ME3: variants seen among roughly 807,000 people sequenced by gnomAD.
ME3 encodes the protein NADP-dependent malic enzyme, mitochondrial.
In ME3, 48 loss-of-function variants were observed where a neutral mutation model predicts 68.9. The observed-to-expected ratio is 0.70, with a 90% CI of 0.55 to 0.89. The LOEUF is 0.89. Ranked by LOEUF, ME3 falls within the 40% of genes least tolerant of loss-of-function variation. ME3 has a pLI of 0.00. For synonymous variants in ME3, 320 were observed against 318.8 expected, an observed-to-expected ratio of 1.00 and a Z score of -0.04; for missense variants, 675 against 797.4, an observed-to-expected ratio of 0.85 and a Z score of 1.85.
chr11:86,498,043 G>C (rs1323920929), exon 6 of ME3: 2 of 1,613,784 alleles, frequency 1.2e-6, no homozygotes, highest in South Asian at 1.1e-5. Flanking sequence ...TACAGGGCCA[G>C]CTTGCCCACA....
rs536567209 is a variant in ME3, at chr11:86,496,982, C to CTATT, written c.705+977_705+980dup. ...TTTTTAACATTTCTCTGAATTTTCT[C>CTATT]TATTTATTTATTTATTTGAGACAGA... On this transcript the variant is annotated intron_variant, in intron 6 of 14. Transcript: ENST00000543262. Among the ~76,000 whole-genome samples, 5 of 151,704 alleles carry CTATT rather than the reference C, an allele frequency of 3.3e-5. No individual in the cohort carries two copies. The South Asian group carries it at 6.2e-4, about 19-fold the overall frequency.
intron 7 of ME3, among the ~76,000 whole-genome samples, chr11:86,486,829 T>G (rs1432177096): frequency 6.6e-6 from 1 of 152,154 alleles, no homozygotes; most frequent in African/African-American, 2.4e-5. Context: ...CTGTGAAGCT[T>G]CCCCAGTGAA....
intron 13 of ME3, among the ~76,000 whole-genome samples, chr11:86,445,187 A>C (rs1030499096): frequency 3.5e-4 from 54 of 152,238 alleles, no homozygotes; most frequent in African/African-American, 1.3e-3. Context: ...CATCATAGCA[A>C]TGAGAAGAAA....
intron 2 of ME3, among the ~76,000 whole-genome samples, chr11:86,578,439 C>G (rs1958241989): frequency 6.6e-6 from 1 of 152,074 alleles, no homozygotes; most frequent in South Asian, 2.1e-4. Flanking sequence ...TTGGGAGGGT[C>G]TCAGAATAGG....
intron 2 of ME3, among the ~76,000 whole-genome samples, chr11:86,591,549 C>T (rs892868165): frequency 2.0e-5 from 3 of 152,140 alleles, no homozygotes; most frequent in African/African-American, 7.2e-5. Context: ...TCAGGAGAAA[C>T]CAAACCTGTC....
intron 2 of ME3, among the ~76,000 whole-genome samples, chr11:86,602,401 C>T (rs1960849413): frequency 2.0e-5 from 3 of 152,168 alleles, no homozygotes; most frequent in African/African-American, 7.2e-5. Context: ...TTACAAGGGA[C>T]AAGAAGGACC....
intron 2 of ME3, among the ~76,000 whole-genome samples, chr11:86,578,247 C>T (rs1196794071): frequency 2.6e-5 from 4 of 152,138 alleles, no homozygotes; most frequent in Admixed American, 2.0e-4. Context: ...TAATGGCCCT[C>T]TGAGTCAGCT....
chr11:86,628,725 C>T (rs1409273635), intron 2 of ME3, among the ~76,000 whole-genome samples: 10 of 152,122 alleles, frequency 6.6e-5, no homozygotes, highest in South Asian at 2.1e-4. Context: ...TAGGTAACCA[C>T]GTCAGAAAAT....
intron 5 of ME3, among the ~76,000 whole-genome samples, chr11:86,506,739 A>C (rs1953106169): frequency 6.6e-6 from 1 of 152,194 alleles, no homozygotes; most frequent in Non-Finnish European, 1.5e-5. Flanking sequence ...AGTGCCTCCT[A>C]TGTCCAAGTT....
intron 4 of ME3, among the ~76,000 whole-genome samples, chr11:86,532,755 C>T (rs561504549): frequency 6.6e-6 from 1 of 152,206 alleles, no homozygotes; most frequent in South Asian, 2.1e-4. Flanking sequence ...GCAATAAACT[C>T]CTACATCAAA....
At chr11:86,521,495 G>A (rs1954307632) in intron 4 of ME3, among the ~76,000 whole-genome samples, 1 of 150,984 alleles carries the variant, frequency 6.6e-6, no homozygotes, top group Admixed American at 6.6e-5. Context: ...TCACTAAGCT[G>A]GTGTGAGCAT....
At chr11:86,559,336 TC>T (rs926607748) in intron 3 of ME3, among the ~76,000 whole-genome samples, 18 of 152,064 alleles carry the variant, frequency 1.2e-4, no homozygotes, top group Admixed American at 9.2e-4. Flanking sequence ...CTCCAGTTCG[TC>T]CCTCTCAGTG....
intron 2 of ME3, among the ~76,000 whole-genome samples, chr11:86,604,639 T>A (rs1156412406): frequency 6.6e-6 from 1 of 152,172 alleles, no homozygotes; most frequent in African/African-American, 2.4e-5. Flanking sequence ...TATCTATAAC[T>A]CAATTTAGTC....
At chr11:86,608,555 G>T (rs1942325179) in intron 2 of ME3, among the ~76,000 whole-genome samples, 1 of 152,124 alleles carries the variant, frequency 6.6e-6, no homozygotes, top group Admixed American at 6.6e-5. Context: ...TTCCCTCTCA[G>T]CTCCCTCTAG....
At chr11:86,444,514 A>G (rs772319564) in intron 13 of ME3, among the ~76,000 whole-genome samples, 10 of 152,202 alleles carry the variant, frequency 6.6e-5, no homozygotes, top group Non-Finnish European at 1.5e-4. Flanking sequence ...GAGAGAAGCA[A>G]GATTTCCATG....
chr11:86,537,307 G>A (rs192951275), intron 4 of ME3, among the ~76,000 whole-genome samples: 15 of 151,200 alleles, frequency 9.9e-5, no homozygotes, highest in Non-Finnish European at 2.1e-4. Flanking sequence ...AGTTCGAAGT[G>A]CTACATAAAT....
At chr11:86,463,331 T>G (rs771119499) in intron 8 of ME3, among the ~76,000 whole-genome samples, 2 of 152,158 alleles carry the variant, frequency 1.3e-5, no homozygotes, top group Non-Finnish European at 2.9e-5. Flanking sequence ...TGCTGATTCA[T>G]GGGTGAATTC....
Position 86,634,379 on chromosome 11 carries a change from T to C in ME3, c.183+37383A>G, listed in dbSNP as rs182128319. 9.2e-5 allele frequency among the ~76,000 whole-genome samples: 14 copies of C among 152,288 alleles called. No individual in the cohort carries two copies. In the South Asian group the frequency reaches 2.3e-3, roughly 25 times the overall value. On this transcript the variant is annotated intron_variant, in intron 2 of 14. Transcript: ENST00000543262. ...TCCCTCCTGACATCCTGGTTGTGAG[T>C]AGCATGTCAGCTAATGGTCAGCATG... is the stretch of plus-strand genomic sequence containing the variant.
At chr11:86,634,927 A>AAC (rs1944240315) in intron 2 of ME3, among the ~76,000 whole-genome samples, 1 of 150,138 alleles carries the variant, frequency 6.7e-6, no homozygotes, top group Admixed American at 6.6e-5. Context: ...ACAACAACAA[A>AAC]AAACCCAGAA....
Sources: gnomAD v4.1 joint callset for allele counts (sites outside exome capture counted in the v4.1 genomes callset) on GRCh38, gnomAD v4.1.1 for gene constraint, MANE v1.5 for transcripts, NCBI Gene and HGNC (gene_info 2026-07-23, HGNC 2026-07-21) for gene names.